The following CMTM7 variants were observed in gnomAD, a reference collection of about 807,000 sequenced individuals.
The protein encoded by CMTM7 is CKLF like MARVEL transmembrane domain containing 7.
Under a neutral mutation model 19.3 loss-of-function variants are expected in CMTM7, and 7 were observed. The ratio of observed to expected loss-of-function variants is 0.36; its 90% CI spans 0.21 to 0.68. CMTM7 has a LOEUF of 0.68. Ranked by LOEUF, CMTM7 falls within the 30% of genes least tolerant of loss-of-function variation. The pLI, the probability that CMTM7 is intolerant of heterozygous loss-of-function variation, is 0.60. For synonymous variants in CMTM7, 87 were observed against 99.3 expected, an observed-to-expected ratio of 0.88 and a Z score of 0.74; for missense variants, 193 against 232.6, an observed-to-expected ratio of 0.83 and a Z score of 1.11.
chr3:32,430,249 A>T (rs1319101384), intron 1 of CMTM7, among the ~76,000 whole-genome samples: 1 of 152,152 alleles, frequency 6.6e-6, no homozygotes, highest in Non-Finnish European at 1.5e-5. Flanking sequence ...TGTGAAGCAG[A>T]TCCTGCGCTG....
chr3:32,454,219 T>G, intron 4 of CMTM7, 22 bp from the exon 5 acceptor site: 1 of 1,589,930 alleles, frequency 6.3e-7, no homozygotes, highest in Non-Finnish European at 8.6e-7. Flanking sequence ...CAAGCTGTCC[T>G]GACTGCCATT....
At chr3:32,408,947 A>G (rs977235801) in intron 1 of CMTM7, among the ~76,000 whole-genome samples, 1 of 151,880 alleles carries the variant, frequency 6.6e-6, no homozygotes, top group Non-Finnish European at 1.5e-5. Flanking sequence ...CAGTGGTGCA[A>G]TCTTGGCTCA....
At chr3:32,424,290 G>T (rs1044391250) in intron 1 of CMTM7, among the ~76,000 whole-genome samples, 4 of 152,190 alleles carry the variant, frequency 2.6e-5, no homozygotes, top group Non-Finnish European at 5.9e-5. Context: ...AGCAGCCTGA[G>T]AGTGCGGACC....
At chr3:32,420,624 T>C (rs934071772) in intron 1 of CMTM7, among the ~76,000 whole-genome samples, 2 of 152,116 alleles carry the variant, frequency 1.3e-5, no homozygotes, top group East Asian at 3.9e-4. Flanking sequence ...TTGAAAAGGC[T>C]GGAGGAGGAA....
chr3:32,417,584 G>A (rs529078382), intron 1 of CMTM7, among the ~76,000 whole-genome samples: 5 of 152,136 alleles, frequency 3.3e-5, no homozygotes, highest in Non-Finnish European at 5.9e-5. Context: ...ATACCTATCT[G>A]TAGTTTTGTT....
At chr3:32,438,544 A>G (rs1447863476) in intron 1 of CMTM7, among the ~76,000 whole-genome samples, 1 of 152,102 alleles carries the variant, frequency 6.6e-6, no homozygotes, top group African/African-American at 2.4e-5. Context: ...GTTGGAATGA[A>G]TGAATCCCTG....
intron 1 of CMTM7, among the ~76,000 whole-genome samples, chr3:32,423,178 C>T (rs1317098077): frequency 6.6e-6 from 1 of 152,134 alleles, no homozygotes. Flanking sequence ...CAGCACTGTC[C>T]ACGTGCCTCT....
At chr3:32,410,322 C>T (rs1453272085) in intron 1 of CMTM7, among the ~76,000 whole-genome samples, 1 of 152,210 alleles carries the variant, frequency 6.6e-6, no homozygotes, top group African/African-American at 2.4e-5. Context: ...GTGTCCAGTT[C>T]GTAAGGTGGT....
intron 1 of CMTM7, among the ~76,000 whole-genome samples, chr3:32,423,827 C>A (rs1261887183): frequency 6.6e-6 from 1 of 152,186 alleles, no homozygotes; most frequent in African/African-American, 2.4e-5. Context: ...AAGCCAGCCC[C>A]CCAGGTGCAG....
At chr3:32,394,621 A>G (rs529107850) in intron 1 of CMTM7, among the ~76,000 whole-genome samples, 1 of 152,298 alleles carries the variant, frequency 6.6e-6, no homozygotes, top group South Asian at 2.1e-4. Context: ...TGGCCATGAT[A>G]ATTCAGTTTC....
intron 2 of CMTM7, among the ~76,000 whole-genome samples, chr3:32,447,157 T>C (rs1463697382): frequency 6.6e-6 from 1 of 152,114 alleles, no homozygotes; most frequent in Non-Finnish European, 1.5e-5. Context: ...ATTTCTCTTA[T>C]GATTTTTTTT....
At position 32,454,396 on chromosome 3, in the gene CMTM7, T is replaced by C. The variant is rs1410542885; in HGVS notation, c.*142T>C. The C allele has an allele frequency of 2.0e-6, 2 of 1,017,834 alleles. No individual in the cohort carries two copies. Among genetic ancestry groups the C allele is most frequent in the African/African-American group, 1.6e-5 (1 of 62,952 alleles). The allele number at this position is 1,017,834 out of a possible 1,614,324, so 63.1% of individuals were successfully genotyped here. A position where few individuals can be genotyped will look rare whatever the true frequency, so the allele number is the denominator to read the frequency against. On this transcript the variant is annotated 3_prime_UTR_variant, in exon 5 of 5. Coordinates refer to ENST00000334983, the MANE Select transcript of CMTM7 (RefSeq NM_138410.4). The stretch of plus-strand genomic sequence containing the variant: ...GGAAAGGCCTGCACCCTCTTCCTGC[T>C]CTCCCAGGAAGCCAGCTCCCTGAGC...
chr3:32,398,805 G>A (rs1695956375), intron 1 of CMTM7, among the ~76,000 whole-genome samples: 1 of 152,000 alleles, frequency 6.6e-6, no homozygotes, highest in Admixed American at 6.6e-5. Context: ...GCAACATGGT[G>A]AAACCCGGTC....
At chr3:32,430,034 G>T (rs1310285146) in intron 1 of CMTM7, among the ~76,000 whole-genome samples, 1 of 152,202 alleles carries the variant, frequency 6.6e-6, no homozygotes, top group Non-Finnish European at 1.5e-5. Context: ...TCCTTGTGGA[G>T]CTGTGGTTCC....
chr3:32,430,867 C>T (rs534036073), intron 1 of CMTM7, among the ~76,000 whole-genome samples: 1 of 152,154 alleles, frequency 6.6e-6, no homozygotes, highest in South Asian at 2.1e-4. Flanking sequence ...TTACTCACCT[C>T]TCCTCTAGAC....
intron 1 of CMTM7, among the ~76,000 whole-genome samples, chr3:32,411,392 A>G (rs1217853099): frequency 1.3e-5 from 2 of 152,228 alleles, no homozygotes; most frequent in Admixed American, 6.5e-5. Flanking sequence ...ATTGGTTAAG[A>G]TATCCCTAAA....
At chr3:32,416,374 T>C (rs1239339583) in intron 1 of CMTM7, among the ~76,000 whole-genome samples, 26,351 of 94,856 alleles carry the variant, frequency 0.28, 5,204 homozygotes, top group South Asian at 0.4. Context: ...TTTTTTTTTT[T>C]TTTTTTTTTT....
At chr3:32,438,269 T>A (rs1369366291) in intron 1 of CMTM7, among the ~76,000 whole-genome samples, 1 of 152,190 alleles carries the variant, frequency 6.6e-6, no homozygotes, top group East Asian at 1.9e-4. Context: ...TTCTTCCACT[T>A]CACCTTTGCT....
intron 2 of CMTM7, among the ~76,000 whole-genome samples, chr3:32,444,210 C>T (rs1244975858): frequency 6.6e-6 from 1 of 152,040 alleles, no homozygotes; most frequent in African/African-American, 2.4e-5. Context: ...GTATTTGATC[C>T]ATTTTGAGTT....
Sources: allele counts gnomAD v4.1 joint callset (sites outside exome capture counted in the v4.1 genomes callset), GRCh38; gene constraint gnomAD v4.1.1; transcripts MANE v1.5; gene names NCBI Gene and HGNC (gene_info 2026-07-23, HGNC 2026-07-21).